PPFIBP2: variants seen among roughly 807,000 people sequenced by gnomAD.
PPFIBP2 encodes PPFIB scaffold protein 2.
Under a neutral mutation model 118.3 loss-of-function variants are expected in PPFIBP2, and 118 were observed. The observed-to-expected ratio is 1.00, with a 90% CI of 0.86 to 1.16. PPFIBP2 has a LOEUF of 1.16. Ranked by LOEUF, PPFIBP2 falls within the 50% of genes most tolerant of loss-of-function variation. The pLI, the probability that PPFIBP2 is intolerant of heterozygous loss-of-function variation, is 0.00. For synonymous variants in PPFIBP2, 414 were observed against 397.4 expected (o/e 1.04, Z -0.50); for missense variants, 1,195 against 1,073.1 (o/e 1.11, Z -1.59).
At chr11:7,606,277 C>G (rs1847329081) in intron 5 of PPFIBP2, among the ~76,000 whole-genome samples, 1 of 152,124 alleles carries the variant, frequency 6.6e-6, no homozygotes, top group South Asian at 2.1e-4. Context: ...AAACATGATT[C>G]ACTTTATGTT....
At chr11:7,549,104 G>T (rs906478463) in intron 1 of PPFIBP2, among the ~76,000 whole-genome samples, 2 of 152,196 alleles carry the variant, frequency 1.3e-5, no homozygotes, top group African/African-American at 2.4e-5. Context: ...ACTTAGTGGC[G>T]CCTTTCACAG....
At chr11:7,572,802 G>A (rs528576933) in intron 3 of PPFIBP2, among the ~76,000 whole-genome samples, 2 of 152,104 alleles carry the variant, frequency 1.3e-5, no homozygotes, top group Non-Finnish European at 2.9e-5. Flanking sequence ...TTTTTGAGAC[G>A]GAGTTTTACT....
At chr11:7,631,156 G>A in intron 11 of PPFIBP2, 128 bp downstream of exon 11, 1 of 691,484 alleles carries the variant, frequency 1.4e-6, no homozygotes, top group Non-Finnish European at 2.6e-6. Flanking sequence ...AATTAATATA[G>A]TGCCCCTCAG....
intron 1 of PPFIBP2, among the ~76,000 whole-genome samples, chr11:7,547,765 G>A (rs565851297): frequency 2.2e-3 from 341 of 152,214 alleles, no homozygotes; most frequent in African/African-American, 7.9e-3. Context: ...TTCCCTCTAA[G>A]CTAACTGTGC....
downstream of PPFIBP2, among the ~76,000 whole-genome samples, chr11:7,657,347 G>A (rs1177119854): frequency 6.6e-6 from 1 of 152,136 alleles, no homozygotes; most frequent in African/African-American, 2.4e-5. Context: ...AAGCAACGAG[G>A]CTCCTTACCC....
Position 7,573,248 on chromosome 11 carries a change from A to G in PPFIBP2, c.279+7481A>G, listed in dbSNP as rs920691471. Reference sequence around the variant, plus strand: ...TTTTTACTAGAACCCCCTCAGGTCCAGGCAGTTCATTCTGGATGGGGAAGC... The same window carrying G: ...TTTTTACTAGAACCCCCTCAGGTCCGGGCAGTTCATTCTGGATGGGGAAGC... On this transcript the variant is annotated intron_variant, in intron 3 of 23. Coordinates refer to ENST00000299492, the MANE Select transcript of PPFIBP2 (RefSeq NM_003621.5). Among the ~76,000 whole-genome samples, 3 of 152,216 alleles carry G rather than the reference A, an allele frequency of 2.0e-5. No homozygotes were observed. The East Asian group carries it at 5.8e-4, about 29-fold the overall frequency.
intron 7 of PPFIBP2, among the ~76,000 whole-genome samples, chr11:7,625,063 C>T (rs1384519198): frequency 2.0e-5 from 3 of 152,210 alleles, no homozygotes; most frequent in Admixed American, 2.0e-4. Flanking sequence ...TGGGAACCAT[C>T]TAGTGCAGCT....
intron 2 of PPFIBP2, among the ~76,000 whole-genome samples, chr11:7,559,881 T>C (rs577026856): frequency 1.3e-5 from 2 of 152,320 alleles, no homozygotes; most frequent in South Asian, 4.1e-4. Flanking sequence ...TTGTTTCTGG[T>C]ACCCAAGGTT....
intron 2 of PPFIBP2, among the ~76,000 whole-genome samples, chr11:7,559,998 C>T (rs1030482412): frequency 6.6e-6 from 1 of 152,204 alleles, no homozygotes; most frequent in African/African-American, 2.4e-5. Flanking sequence ...GGACTCCTGG[C>T]AGTTGAGTAT....
chr11:7,661,603 G>T, downstream of PPFIBP2, among the ~76,000 whole-genome samples: 1 of 113,410 alleles, frequency 8.8e-6, no homozygotes, highest in African/African-American at 2.8e-5. Context: ...GTGGTGTGGT[G>T]CTGAAAAATA....
Position 7,520,917 on chromosome 11 carries a change from G to A in PPFIBP2, c.-37+6796G>A, listed in dbSNP as rs556595412. On this transcript the variant is annotated intron_variant, in intron 1 of 23. Coordinates refer to ENST00000299492, the MANE Select transcript of PPFIBP2 (RefSeq NM_003621.5). ...ATCCTTTATACACCCTTAAAGCCAA[G>A]TCTTGTTTGACTGTGGATCTTCACA... 6.6e-5 allele frequency among the ~76,000 whole-genome samples: 10 copies of A among 152,262 alleles called. No individual in the cohort carries two copies. The South Asian group carries it at 1.7e-3, about 25-fold the overall frequency.
In PPFIBP2 at chr11:7,587,050, C is replaced by G. The variant is rs187417015; in HGVS notation, c.280-6082C>G. Among the ~76,000 whole-genome samples, 118 of 152,300 alleles carry G rather than the reference C, an allele frequency of 7.7e-4. 1 individual carries two copies. The highest frequency in any genetic ancestry group is 1.2e-3 in the Non-Finnish European group (82 of 68,032). On this transcript the variant is annotated intron_variant, in intron 3 of 23. Coordinates refer to ENST00000299492, the MANE Select transcript of PPFIBP2 (RefSeq NM_003621.5). ...ACTTTTTCATATCACACATCCTGCT[C>G]CCCACCTCCACCAACCCCGGTTGAT...
chr11:7,547,569 T>TTTATCCTAGCTA, intron 1 of PPFIBP2, among the ~76,000 whole-genome samples: 1 of 152,164 alleles, frequency 6.6e-6, no homozygotes, highest in Non-Finnish European at 1.5e-5. Flanking sequence ...TACCTCTTCT[T>TTTATCCTAGCTA]TTATCCTGGC....
chr11:7,604,470 G>A (rs1460755067), intron 5 of PPFIBP2, among the ~76,000 whole-genome samples: 1 of 129,138 alleles, frequency 7.7e-6, no homozygotes, highest in Non-Finnish European at 1.6e-5. Flanking sequence ...ACCCATACAC[G>A]CACACACACC....
intron 5 of PPFIBP2, chr11:7,605,874 C>A: frequency 6.8e-7 from 1 of 1,473,066 alleles, no homozygotes. Flanking sequence ...CAAGTGGTGA[C>A]TGTGCTACTG....
rs552890840 is a variant in PPFIBP2, at chr11:7,648,802, G to A, written c.1800G>A (p.Glu600=). Residue 600 remains glutamate, a splice_region_variant and synonymous_variant, in exon 19 of 24, where the codon GAG becomes GAA. Coordinates refer to ENST00000299492, the MANE Select transcript of PPFIBP2 (RefSeq NM_003621.5). ...LTATPQDMEK[E]LGIKHPLHRK... The stretch of plus-strand genomic sequence containing the variant: ...TGGTCTTCATCTTTTAATTTCAGGA[G>A]CTAGGAATTAAGCACCCACTCCACA... 3 of 1,613,442 alleles carry A rather than the reference G, an allele frequency of 1.9e-6. No individual in the cohort carries two copies. The highest frequency in any genetic ancestry group is 2.7e-5 in the African/African-American group (2 of 74,994).
Position 7,653,717 on chromosome 11 carries a change from T to C in PPFIBP2, c.*499T>C, listed in dbSNP as rs1404510847. ...GTGTTGTGCCTTACTTCAGAGGTGG[T>C]CTCTTCTTTCTTGTAATAAAAGCAA... On this transcript the variant is annotated 3_prime_UTR_variant, in exon 24 of 24. Coordinates refer to ENST00000299492, the MANE Select transcript of PPFIBP2 (RefSeq NM_003621.5). 46 of 1,239,042 alleles carry C rather than the reference T, an allele frequency of 3.7e-5. No homozygotes were observed. The highest frequency in any genetic ancestry group is 4.5e-5 in the Non-Finnish European group (43 of 966,234). 76.8% of individuals were successfully genotyped at this position (1,239,042 alleles called of 1,614,324 possible).
At chr11:7,579,822 CT>C (rs1212699756) in intron 3 of PPFIBP2, among the ~76,000 whole-genome samples, 1 of 152,072 alleles carries the variant, frequency 6.6e-6, no homozygotes, top group Non-Finnish European at 1.5e-5. Flanking sequence ...TTTTCTTCTA[CT>C]TTTAGAATTT....
At chr11:7,654,677 C>G (rs1467037731), downstream of PPFIBP2, among the ~76,000 whole-genome samples, 1 of 152,246 alleles carries the variant, frequency 6.6e-6, no homozygotes, top group Non-Finnish European at 1.5e-5. Context: ...AGGCTGATGC[C>G]TGGCCACTGG....
Sources: allele counts gnomAD v4.1 joint callset (sites outside exome capture counted in the v4.1 genomes callset), GRCh38; gene constraint gnomAD v4.1.1; transcripts MANE v1.5; gene names NCBI Gene and HGNC (gene_info 2026-07-23, HGNC 2026-07-21).